The following PPP2R2B variants were observed in gnomAD, a reference collection of about 807,000 sequenced individuals.
The protein encoded by PPP2R2B is protein phosphatase 2 regulatory subunit Bbeta.
PPP2R2B carries 5 observed loss-of-function variants against 46.0 expected under a neutral mutation model. That is an observed-to-expected ratio of 0.11 (90% CI 0.06 to 0.23). PPP2R2B has a LOEUF of 0.23. Among genes scored for constraint, PPP2R2B ranks in the 10% least tolerant of loss-of-function variants. The pLI, the probability that PPP2R2B is intolerant of heterozygous loss-of-function variation, is 1.00. For missense variants in PPP2R2B, 367 were observed against 575.0 expected, an observed-to-expected ratio of 0.64 and a Z score of 3.70; for synonymous variants, 215 against 206.7, an observed-to-expected ratio of 1.04 and a Z score of -0.34.
At chr5:146,768,501 G>A (rs536826315) in intron 2 of PPP2R2B, among the ~76,000 whole-genome samples, 2 of 152,198 alleles carry the variant, frequency 1.3e-5, no homozygotes, top group South Asian at 2.1e-4. Context: ...ATCTCTCACT[G>A]TCCACTGTCA....
At chr5:146,829,798 G>C (rs867597473) in intron 2 of PPP2R2B, among the ~76,000 whole-genome samples, 1 of 152,118 alleles carries the variant, frequency 6.6e-6, no homozygotes, top group Admixed American at 6.6e-5. Flanking sequence ...TTGTAGGAAG[G>C]ACTTTTTTTT....
Position 146,873,674 on chromosome 5 carries a change from C to T in PPP2R2B, c.70+4328G>A, listed in dbSNP as rs377143525. Among the ~76,000 whole-genome samples, 170 of 152,190 alleles carry T rather than the reference C, an allele frequency of 1.1e-3. 3 individuals are homozygous for T. In the South Asian group the frequency reaches 0.025, roughly 22 times the overall value. ...GTCACCAGACTGGAGTGCGGTGTCG[C>T]GACCTCGGCTCACTGCAACCTCTGC... On this transcript the variant is annotated intron_variant, in intron 2 of 9. Coordinates refer to ENST00000394411, the MANE Select transcript of PPP2R2B (RefSeq NM_181675.4).
rs142383244 is a variant in PPP2R2B, at chr5:146,642,898, C to T, written c.626-4483G>A. On this transcript the variant is annotated intron_variant, in intron 6 of 9. Coordinates refer to ENST00000394411, the MANE Select transcript of PPP2R2B (RefSeq NM_181675.4). Reference sequence around the variant, plus strand: ...GTGGTGAAACCCTATCTCTACCAAACATACAAAAATTAGCCAGGTGTGGTG... The same window carrying T: ...GTGGTGAAACCCTATCTCTACCAAATATACAAAAATTAGCCAGGTGTGGTG... 6.4e-3 allele frequency among the ~76,000 whole-genome samples: 978 copies of T among 152,114 alleles called. 10 individuals are homozygous for T. Among genetic ancestry groups the T allele is most frequent in the African/African-American group, 0.022 (916 of 41,502 alleles).
intron 1 of PPP2R2B, among the ~76,000 whole-genome samples, chr5:146,912,037 C>T (rs552259535): frequency 1.5e-4 from 23 of 151,912 alleles, no homozygotes; most frequent in Admixed American, 1.0e-3. Context: ...CAGGAGTTCG[C>T]GACCAGCCTG....
chr5:146,824,187 G>GCTTAT (rs1333543064), intron 2 of PPP2R2B, among the ~76,000 whole-genome samples: 1 of 152,178 alleles, frequency 6.6e-6, no homozygotes, highest in Non-Finnish European at 1.5e-5. Flanking sequence ...AGAGCAGAAA[G>GCTTAT]CTTATTGAAC....
chr5:146,965,715 G>T (rs866505216), intron 1 of PPP2R2B, among the ~76,000 whole-genome samples: 1 of 152,158 alleles, frequency 6.6e-6, no homozygotes, highest in Non-Finnish European at 1.5e-5. Flanking sequence ...CAAATATAAT[G>T]CCCTAATATC....
chr5:146,849,519 G>C (rs2151380596), intron 2 of PPP2R2B, among the ~76,000 whole-genome samples: 2 of 152,234 alleles, frequency 1.3e-5, no homozygotes, highest in South Asian at 2.1e-4. Flanking sequence ...ACTTACTGTT[G>C]AATTTACTCC....
intron 7 of PPP2R2B, among the ~76,000 whole-genome samples, chr5:146,631,088 T>C (rs1774395148): frequency 6.6e-6 from 1 of 152,188 alleles, no homozygotes; most frequent in Non-Finnish European, 1.5e-5. Context: ...AACAAAATTG[T>C]CCTGGGCTGT....
chr5:146,730,653 C>T (rs1345720694), intron 2 of PPP2R2B, among the ~76,000 whole-genome samples: 1 of 152,136 alleles, frequency 6.6e-6, no homozygotes, highest in African/African-American at 2.4e-5. Context: ...ATGGGTTTAT[C>T]AGGGGTTTTC....
At chr5:146,634,345 ATTT>A (rs905317742) in intron 7 of PPP2R2B, among the ~76,000 whole-genome samples, 1 of 151,702 alleles carries the variant, frequency 6.6e-6, no homozygotes, top group Non-Finnish European at 1.5e-5. Flanking sequence ...TTGTTTATTT[ATTT>A]TTTTGAGATA....
chr5:147,053,051 G>A (rs1199632699), intron 1 of PPP2R2B, among the ~76,000 whole-genome samples: 1 of 151,808 alleles, frequency 6.6e-6, no homozygotes, highest in African/African-American at 2.4e-5. Flanking sequence ...TTATCACCCT[G>A]CTATGTCATT....
rs552941033 is a variant in PPP2R2B, at chr5:147,000,668, T to A, written c.79+54997A>T. On this transcript the variant is annotated intron_variant, in intron 1 of 8. Coordinates refer to the PPP2R2B transcript ENST00000336640. ...CAAAAGTAATTGTGGATTTGCCATT[T>A]TTAATGGCAAAAACCACAATTACTT... is the stretch of plus-strand genomic sequence containing the variant. 1.9e-3 allele frequency among the ~76,000 whole-genome samples: 162 copies of A among 85,134 alleles called. 3 individuals are homozygous for A. In the East Asian group the frequency reaches 0.049, roughly 26 times the overall value. The allele number at this position is 85,134 out of a possible 152,430, so 55.9% of individuals were successfully genotyped here. A position where few individuals can be genotyped will look rare whatever the true frequency, so the allele number is the denominator to read the frequency against.
chr5:146,702,596 T>C (rs1779608011), intron 2 of PPP2R2B, among the ~76,000 whole-genome samples: 1 of 152,232 alleles, frequency 6.6e-6, no homozygotes, highest in Non-Finnish European at 1.5e-5. Context: ...TTGCCTGATG[T>C]TCTCATTGTT....
chr5:147,055,540 A>C, intron 1 of PPP2R2B: 1 of 813,520 alleles, frequency 1.2e-6, no homozygotes, highest in East Asian at 2.6e-5. Flanking sequence ...TGTTGGATAC[A>C]AGCTTTTGCC....
chr5:147,033,758 C>G (rs935989359), intron 1 of PPP2R2B, among the ~76,000 whole-genome samples: 40 of 152,146 alleles, frequency 2.6e-4, no homozygotes, highest in African/African-American at 9.4e-4. Context: ...CCTATCAACT[C>G]TGCCTCCAAA....
At chr5:146,885,516 C>T (rs1473802141) in intron 1 of PPP2R2B, among the ~76,000 whole-genome samples, 1 of 152,234 alleles carries the variant, frequency 6.6e-6, no homozygotes, top group South Asian at 2.1e-4. Context: ...TCAAATCCTA[C>T]ATTGCTTCTG....
intron 2 of PPP2R2B, among the ~76,000 whole-genome samples, chr5:146,781,450 G>T (rs559017423): frequency 6.6e-6 from 1 of 151,218 alleles, no homozygotes; most frequent in South Asian, 2.1e-4. Flanking sequence ...GTAGTCACTC[G>T]ACCACCTGGA....
chr5:146,776,499 T>C (rs1582079012), intron 2 of PPP2R2B, among the ~76,000 whole-genome samples: 1 of 151,936 alleles, frequency 6.6e-6, no homozygotes, highest in African/African-American at 2.4e-5. Context: ...AGAAATTAAC[T>C]CAAAATAAAC....
intron 2 of PPP2R2B, among the ~76,000 whole-genome samples, chr5:146,853,713 C>T (rs1055509453): frequency 1.3e-5 from 2 of 152,032 alleles, no homozygotes; most frequent in African/African-American, 2.4e-5. Flanking sequence ...GCCACCATCT[C>T]CATCTTCCAC....
Sources: gnomAD v4.1 joint callset for allele counts (sites outside exome capture counted in the v4.1 genomes callset) on GRCh38, gnomAD v4.1.1 for gene constraint, MANE v1.5 for transcripts, NCBI Gene and HGNC (gene_info 2026-07-23, HGNC 2026-07-21) for gene names.